The following OXR1 variants were observed in gnomAD, a reference collection of about 807,000 sequenced individuals.
The protein encoded by OXR1 is oxidation resistance protein 1.
Under a neutral mutation model 104.6 loss-of-function variants are expected in OXR1, and 41 were observed. That is an observed-to-expected ratio of 0.39 (90% CI 0.31 to 0.51). The LOEUF (loss-of-function observed/expected upper bound fraction) is 0.51, where lower values mean the gene tolerates loss of function less well. OXR1 is among the 20% of genes least tolerant of loss of function. OXR1 has a pLI of 0.77. For missense variants in OXR1, 955 were observed against 1,031.9 expected, an observed-to-expected ratio of 0.93 and a Z score of 1.02; for synonymous variants, 348 against 348.4, an observed-to-expected ratio of 1.00 and a Z score of 0.01.
In OXR1 at chr8:106,739,075, T is replaced by TACACACACACACACACACAC. The variant is rs71307086; in HGVS notation, c.2038-357_2038-338dup. ...TGAAAGAATTCTATTTTAAATAGCA[T>TACACACACACACACACACAC]ACACACACACACACACACACACACA... On this transcript the variant is annotated intron_variant, in intron 12 of 16. Coordinates refer to ENST00000517566, the MANE Select transcript of OXR1 (RefSeq NM_001198533.2). Among the ~76,000 whole-genome samples, 634 of 141,618 alleles carry TACACACACACACACACACAC rather than the reference T, an allele frequency of 4.5e-3. 6 individuals are homozygous for TACACACACACACACACACAC. The highest frequency in any genetic ancestry group is 0.01 in the East Asian group (48 of 4,630). The allele number at this position is 141,618 out of a possible 152,430, so 92.9% of individuals were successfully genotyped here.
intron 3 of OXR1, among the ~76,000 whole-genome samples, chr8:106,663,968 A>C (rs1365618239): frequency 6.6e-6 from 1 of 152,096 alleles, no homozygotes; most frequent in Non-Finnish European, 1.5e-5. Context: ...CAAAACAAAA[A>C]ACTCACAGTG....
intron 2 of OXR1, among the ~76,000 whole-genome samples, chr8:106,460,711 C>T (rs1820860898): frequency 1.3e-5 from 2 of 152,182 alleles, no homozygotes; most frequent in Non-Finnish European, 1.5e-5. Context: ...TAACATGTCT[C>T]GTTAAGGAAA....
intron 3 of OXR1, among the ~76,000 whole-genome samples, chr8:106,615,158 G>A (rs527928762): frequency 1.3e-5 from 2 of 152,140 alleles, no homozygotes; most frequent in East Asian, 1.9e-4. Flanking sequence ...GGCCAGGCGC[G>A]GTGGCTCGTG....
Position 106,649,923 on chromosome 8 carries a change from C to T in OXR1, c.221-29287C>T, listed in dbSNP as rs922263681. Among the ~76,000 whole-genome samples, 77 of 152,202 alleles carry T rather than the reference C, an allele frequency of 5.1e-4. 1 individual carries two copies. The highest frequency in any genetic ancestry group is 3.4e-3 in the Middle Eastern group (1 of 294). On this transcript the variant is annotated intron_variant, in intron 3 of 16. Transcript: ENST00000517566. ...GTGTTAGCCAGAATGGTCTCGACCT[C>T]CTGACTTCATGATCCGCCCACCTTG...
At chr8:106,345,151 A>G (rs1205564398) in intron 1 of OXR1, among the ~76,000 whole-genome samples, 1 of 152,254 alleles carries the variant, frequency 6.6e-6, no homozygotes, top group Non-Finnish European at 1.5e-5. Flanking sequence ...ATCCTTAGAA[A>G]AGTGCCTGAC....
intron 2 of OXR1, among the ~76,000 whole-genome samples, chr8:106,491,093 C>T (rs1012617398): frequency 2.0e-5 from 3 of 152,196 alleles, no homozygotes; most frequent in African/African-American, 7.2e-5. Context: ...TTCCTCGACG[C>T]TCCGCTCAAT....
intron 3 of OXR1, among the ~76,000 whole-genome samples, chr8:106,552,890 TG>T (rs1417002363): frequency 6.6e-6 from 1 of 152,176 alleles, no homozygotes; most frequent in Non-Finnish European, 1.5e-5. Flanking sequence ...TCAGCCCAAG[TG>T]TGGTCATAGT....
intron 6 of OXR1, among the ~76,000 whole-genome samples, chr8:106,686,643 G>A (rs1425738268): frequency 6.6e-6 from 1 of 151,952 alleles, no homozygotes; most frequent in East Asian, 1.9e-4. Context: ...TATTAGTATT[G>A]TTATTATATG....
chr8:106,552,157 G>C (rs952977618), intron 3 of OXR1, among the ~76,000 whole-genome samples: 8 of 152,066 alleles, frequency 5.3e-5, no homozygotes, highest in African/African-American at 1.9e-4. Flanking sequence ...GGGAATACTT[G>C]TATAAAGAGA....
intron 11 of OXR1, among the ~76,000 whole-genome samples, chr8:106,722,581 A>G (rs1240527029): frequency 6.6e-6 from 1 of 152,096 alleles, no homozygotes; most frequent in East Asian, 1.9e-4. Context: ...TACCCTCTCT[A>G]TGTTTAGATA....
intron 6 of OXR1, among the ~76,000 whole-genome samples, chr8:106,684,644 C>CA (rs1828514181): frequency 6.6e-6 from 1 of 151,958 alleles, no homozygotes; most frequent in Admixed American, 6.6e-5. Flanking sequence ...GAATCTTACC[C>CA]AAAAAACATG....
At chr8:106,613,879 C>T (rs1293836859) in intron 3 of OXR1, among the ~76,000 whole-genome samples, 9 of 152,176 alleles carry the variant, frequency 5.9e-5, no homozygotes, top group African/African-American at 2.2e-4. Flanking sequence ...TTGCAGCCAT[C>T]CCCTGGAAAG....
At chr8:106,559,549 A>G (rs1816525540) in intron 3 of OXR1, among the ~76,000 whole-genome samples, 1 of 152,200 alleles carries the variant, frequency 6.6e-6, no homozygotes, top group South Asian at 2.1e-4. Context: ...GCTACAACAT[A>G]ATATCATAGA....
intron 1 of OXR1, among the ~76,000 whole-genome samples, chr8:106,322,007 A>G (rs1320183692): frequency 6.6e-6 from 1 of 152,240 alleles, no homozygotes; most frequent in East Asian, 1.9e-4. Flanking sequence ...ATAGTATATG[A>G]TGCAGAGGAA....
chr8:106,744,873 T>C (rs1004763673), intron 15 of OXR1, among the ~76,000 whole-genome samples: 2 of 152,216 alleles, frequency 1.3e-5, no homozygotes, highest in Admixed American at 6.5e-5. Context: ...ACAATAAAAA[T>C]TCTTTTAGCA....
At chr8:106,294,675 T>A (rs1322016509) in intron 1 of OXR1, among the ~76,000 whole-genome samples, 1 of 151,972 alleles carries the variant, frequency 6.6e-6, no homozygotes. Context: ...GAACTCACTA[T>A]CACAAAGACA....
At chr8:106,716,715 T>C (rs986483065) in intron 11 of OXR1, among the ~76,000 whole-genome samples, 9 of 152,206 alleles carry the variant, frequency 5.9e-5, no homozygotes, top group South Asian at 2.1e-4. Flanking sequence ...TGTAAACATC[T>C]TGTTTGTTTA....
chr8:106,520,842 A>G (rs1279890621), intron 3 of OXR1, among the ~76,000 whole-genome samples: 1 of 152,190 alleles, frequency 6.6e-6, no homozygotes, highest in East Asian at 1.9e-4. Flanking sequence ...TTATCCTACA[A>G]ACTCAATGTT....
intron 3 of OXR1, among the ~76,000 whole-genome samples, chr8:106,659,861 C>A (rs1825576400): frequency 6.6e-6 from 1 of 152,174 alleles, no homozygotes; most frequent in Non-Finnish European, 1.5e-5. Context: ...ATATCTGACA[C>A]CCTCCTTCAA....
Sources: allele counts gnomAD v4.1 joint callset (sites outside exome capture counted in the v4.1 genomes callset), GRCh38; gene constraint gnomAD v4.1.1; transcripts MANE v1.5; gene names NCBI Gene and HGNC (gene_info 2026-07-23, HGNC 2026-07-21).